The following USP26 variants were observed in gnomAD, a reference collection of about 807,000 sequenced individuals.
USP26 encodes the protein ubiquitin carboxyl-terminal hydrolase 26.
For synonymous variants in USP26, 236 were observed against 240.6 expected (o/e 0.98, Z 0.18); for missense variants, 649 against 642.3 (o/e 1.01, Z -0.11).
In USP26 at chrX:133,028,098, ATACAGCACCAGTCTATCT is replaced by A; in HGVS notation, c.105_122del (p.Lys35_Tyr41delinsAsn). On this transcript the variant is annotated inframe_deletion, in exon 6 of 6. Coordinates refer to ENST00000511190, the MANE Select transcript of USP26 (RefSeq NM_031907.3). ...AAGTGCTATATTTTCCACTTTTGAA[ATACAGCACCAGTCTATCT>A]TTCTTCTTTCTTTCCACTGCTTCAA... is the stretch of plus-strand genomic sequence containing the variant. The A allele has an allele frequency of 1.7e-6, 2 of 1,211,315 alleles. No individual in the cohort carries two copies. Among genetic ancestry groups the A allele is most frequent in the Non-Finnish European group, 2.2e-6 (2 of 895,212 alleles).
intron 5 of USP26, among the ~76,000 whole-genome samples, chrX:133,074,901 G>A (rs2067542596): frequency 8.9e-6 from 1 of 112,129 alleles, no homozygotes; most frequent in Admixed American, 9.5e-5. Flanking sequence ...AAAACCAATA[G>A]ATTGTCAAGT....
intron 5 of USP26, among the ~76,000 whole-genome samples, chrX:133,079,635 A>C (rs2067562871): frequency 9.0e-6 from 1 of 111,687 alleles, no homozygotes; most frequent in Non-Finnish European, 1.9e-5. Context: ...AGGATGTTTA[A>C]ATTGTTAAAG....
intron 1 of USP26, among the ~76,000 whole-genome samples, chrX:133,095,917 A>G (rs1030753722): frequency 9.1e-6 from 1 of 110,187 alleles, no homozygotes; most frequent in South Asian, 3.9e-4. Context: ...GCTGATTTTC[A>G]TATTTTTAGT....
chrX:133,035,507 C>T (rs1343722543), intron 5 of USP26, among the ~76,000 whole-genome samples: 4 of 111,927 alleles, frequency 3.6e-5, no homozygotes, highest in Non-Finnish European at 7.5e-5. Flanking sequence ...TGACAGAAAA[C>T]ATTGGGGAGC....
intron 5 of USP26, among the ~76,000 whole-genome samples, chrX:133,040,751 G>A (rs759662210): frequency 2.4e-4 from 27 of 111,533 alleles, no homozygotes; most frequent in Admixed American, 6.7e-4. Flanking sequence ...TTGCTAGGTT[G>A]GGGAAGTTGT....
At chrX:133,052,450 C>T in intron 5 of USP26, among the ~76,000 whole-genome samples, 1 of 111,180 alleles carries the variant, frequency 9.0e-6, no homozygotes, top group African/African-American at 3.3e-5. Flanking sequence ...TTGTGACTAC[C>T]GAAAAGGTGG....
chrX:133,034,574 C>T (rs1452163597), intron 5 of USP26, among the ~76,000 whole-genome samples: 1 of 112,404 alleles, frequency 8.9e-6, no homozygotes, highest in East Asian at 2.8e-4. Context: ...TATCTTTGAT[C>T]ATTTTTAAAG....
At chrX:133,041,327 AT>A (rs1396681010) in intron 5 of USP26, among the ~76,000 whole-genome samples, 1 of 111,356 alleles carries the variant, frequency 9.0e-6, no homozygotes, top group Non-Finnish European at 1.9e-5. Flanking sequence ...ATCTTCATTG[AT>A]TTATCTACCT....
chrX:133,049,436 T>C (rs757842903), intron 5 of USP26, among the ~76,000 whole-genome samples: 4 of 112,315 alleles, frequency 3.6e-5, no homozygotes, highest in Admixed American at 9.4e-5. Context: ...ACCTGTGCTG[T>C]ATTTTCCTAA....
chrX:133,081,240 A>G (rs755890339), intron 5 of USP26, among the ~76,000 whole-genome samples: 1 of 111,704 alleles, frequency 9.0e-6, no homozygotes, highest in Admixed American at 9.5e-5. Flanking sequence ...CTGGGATAAA[A>G]AAAATTGTTC....
intron 4 of USP26, among the ~76,000 whole-genome samples, chrX:133,089,174 C>T (rs141592941): frequency 4.2e-3 from 466 of 109,789 alleles, no homozygotes; most frequent in African/African-American, 0.015. Flanking sequence ...CATGATGCTA[C>T]CAGAATAAAA....
intron 5 of USP26, among the ~76,000 whole-genome samples, chrX:133,042,230 C>T (rs1196686567): frequency 9.0e-6 from 1 of 111,324 alleles, no homozygotes; most frequent in African/African-American, 3.3e-5. Context: ...TTCTGTCTCG[C>T]TGGGGTTCCA....
chrX:133,045,333 T>C (rs1260558900), intron 5 of USP26, among the ~76,000 whole-genome samples: 2 of 111,501 alleles, frequency 1.8e-5, no homozygotes, highest in African/African-American at 6.6e-5. Flanking sequence ...CAATCAGCTC[T>C]CTGTAAAACA....
At chrX:133,044,701 C>T (rs1046878362) in intron 5 of USP26, among the ~76,000 whole-genome samples, 6 of 113,151 alleles carry the variant, frequency 5.3e-5, no homozygotes, top group Admixed American at 1.8e-4. Context: ...GCCTCCCCGA[C>T]GAGCGTCACC....
intron 5 of USP26, among the ~76,000 whole-genome samples, chrX:133,067,664 G>A (rs1274689876): frequency 8.9e-6 from 1 of 111,965 alleles, no homozygotes; most frequent in Non-Finnish European, 1.9e-5. Flanking sequence ...ATAATTGGCA[G>A]TTGAACAATG....
At position 133,027,581 on chromosome X, in the gene USP26, C is replaced by T. The variant is rs754513940; in HGVS notation, c.640G>A (p.Val214Ile). The T allele has an allele frequency of 2.4e-5, 29 of 1,207,685 alleles. No homozygotes were observed. The highest frequency in any genetic ancestry group is 3.5e-5 in the African/African-American group (2 of 57,157). Residue 214 changes from valine to isoleucine, a missense_variant, in exon 6 of 6, where the codon GTA becomes ATA. Transcript: ENST00000511190. ...KKSKADCSRC[V>I]SYNREKQLKL... ...AATTGTTTCTCTCGATTATAGCTTA[C>T]ACACCTCGAACAATCTGCCTTGGAT...
intron 5 of USP26, among the ~76,000 whole-genome samples, chrX:133,032,194 CCAACCAAA>C (rs1218749007): frequency 4.5e-5 from 5 of 110,688 alleles, no homozygotes; most frequent in Admixed American, 9.7e-5. Context: ...AACCAACCAA[CCAACCAAA>C]CAAACAAACA....
intron 5 of USP26, among the ~76,000 whole-genome samples, chrX:133,037,866 T>A (rs1167066737): frequency 1.8e-5 from 2 of 111,576 alleles, no homozygotes; most frequent in Admixed American, 9.5e-5. Context: ...GGTTTGTAGT[T>A]CTCCTTGAAG....
At chrX:133,048,859 T>C (rs2148530008) in intron 5 of USP26, among the ~76,000 whole-genome samples, 1 of 112,009 alleles carries the variant, frequency 8.9e-6, no homozygotes, top group South Asian at 3.8e-4. Context: ...TTGCATTCTT[T>C]AAAGTCCACT....
Sources: allele counts gnomAD v4.1 joint callset (sites outside exome capture counted in the v4.1 genomes callset), GRCh38; gene constraint gnomAD v4.1.1; transcripts MANE v1.5; gene names NCBI Gene and HGNC (gene_info 2026-07-23, HGNC 2026-07-21).